Variants in CMIP observed in about 807,000 individuals in gnomAD.
CMIP encodes c-Maf inducing protein.
A neutral mutation model predicts 97.3 loss-of-function variants in CMIP; 13 were observed. The observed-to-expected ratio is 0.13, with a 90% confidence interval of 0.09 to 0.21. The LOEUF is 0.21. Among genes scored for constraint, CMIP ranks in the 10% least tolerant of loss-of-function variants. The probability of loss-of-function intolerance (pLI) is 1.00; values close to 1 mark genes in which losing one functional copy is unlikely to be tolerated. For synonymous variants in CMIP, 538 were observed against 436.3 expected (o/e 1.23, Z -2.91); for missense variants, 847 against 1,024.9 (o/e 0.83, Z 2.37).
chr16:81,553,559 C>A (rs1033814060), intron 1 of CMIP, among the ~76,000 whole-genome samples: 2 of 152,180 alleles, frequency 1.3e-5, no homozygotes, highest in African/African-American at 4.8e-5. Context: ...GCAACTGTGA[C>A]GCCCTGTGGC....
chr16:81,493,638 C>T (rs971371478), intron 1 of CMIP, among the ~76,000 whole-genome samples: 1 of 152,212 alleles, frequency 6.6e-6, no homozygotes, highest in East Asian at 1.9e-4. Context: ...TGCTCGTTCC[C>T]ACTCTCCGCA....
At chr16:81,539,353 A>G (rs1187301515) in intron 1 of CMIP, among the ~76,000 whole-genome samples, 1 of 151,698 alleles carries the variant, frequency 6.6e-6, no homozygotes, top group African/African-American at 2.4e-5. Context: ...GGGCAGCTGC[A>G]CAATGTCTGG....
Position 81,614,866 on chromosome 16 carries a change from A to ATG in CMIP, c.427-6001_427-6000dup, listed in dbSNP as rs569077090. 6.1e-5 allele frequency among the ~76,000 whole-genome samples: 9 copies of ATG among 148,212 alleles called. No homozygotes were observed. Among genetic ancestry groups the ATG allele is most frequent in the Non-Finnish European group, 1.3e-4 (9 of 67,004 alleles). On this transcript the variant is annotated intron_variant, in intron 2 of 20. Transcript: ENST00000537098. This position sits in a 1 kb window ranked among gnomAD's most constrained non-coding sequence, Gnocchi z 5.3. ...TATGCACATGTATCTCTGTGTGTGC[A>ATG]TGTGTGTGTGGTATGTGCATGTGTG...
At chr16:81,546,985 G>T (rs2090558794) in intron 1 of CMIP, among the ~76,000 whole-genome samples, 1 of 152,146 alleles carries the variant, frequency 6.6e-6, no homozygotes, top group African/African-American at 2.4e-5. Flanking sequence ...GGCTGCAAAG[G>T]CCACTCCCCC....
chr16:81,600,161 C>T (rs1329828442), intron 1 of CMIP, among the ~76,000 whole-genome samples: 1 of 151,414 alleles, frequency 6.6e-6, no homozygotes, highest in Non-Finnish European at 1.5e-5. Context: ...TGACTGTAAT[C>T]CCAGCTACTC....
intron 1 of CMIP, among the ~76,000 whole-genome samples, chr16:81,477,450 C>T (rs756118607): frequency 5.3e-5 from 8 of 152,156 alleles, no homozygotes; most frequent in Non-Finnish European, 8.8e-5. Flanking sequence ...CGTGAGCCAC[C>T]GCACCTAGCC....
intron 1 of CMIP, chr16:81,518,675 C>T (rs1163389711): frequency 1.3e-5 from 2 of 152,262 alleles, no homozygotes; most frequent in Non-Finnish European, 2.9e-5. Flanking sequence ...TAACTGTCTA[C>T]CTGCTTCCTG....
At chr16:81,505,739 C>G (rs1262702147) in intron 1 of CMIP, among the ~76,000 whole-genome samples, 1 of 152,154 alleles carries the variant, frequency 6.6e-6, no homozygotes, top group African/African-American at 2.4e-5. Flanking sequence ...GCCTGTAATC[C>G]CAGCACTTTG....
At chr16:81,594,173 A>C (rs2091512718) in intron 1 of CMIP, among the ~76,000 whole-genome samples, 1 of 140,828 alleles carries the variant, frequency 7.1e-6, no homozygotes, top group South Asian at 2.4e-4. Context: ...GCTGGAGCGC[A>C]CTGGTGCAAT....
intron 3 of CMIP, among the ~76,000 whole-genome samples, chr16:81,630,030 C>T (rs967707470): frequency 1.3e-5 from 2 of 152,238 alleles, no homozygotes; most frequent in Non-Finnish European, 2.9e-5. Flanking sequence ...ATACTTTCTG[C>T]AGCGCTTCAG....
intron 14 of CMIP, chr16:81,697,909 C>T (rs1906930623): frequency 6.6e-6 from 1 of 152,608 alleles, no homozygotes; most frequent in South Asian, 2.1e-4. Flanking sequence ...CCCTGCCAGC[C>T]TGCACCACCT....
chr16:81,455,540 C>T (rs942905098), intron 1 of CMIP, among the ~76,000 whole-genome samples: 2 of 152,224 alleles, frequency 1.3e-5, no homozygotes, highest in Non-Finnish European at 2.9e-5. Context: ...TGCGTAAGTG[C>T]GAGTTCTACC....
intron 3 of CMIP, chr16:81,645,361 T>C (rs2092352452): frequency 2.4e-5 from 34 of 1,438,262 alleles, no homozygotes; most frequent in Non-Finnish European, 2.9e-5. Flanking sequence ...CTTGGGTGTG[T>C]ACGCGCGCGA....
intron 3 of CMIP, among the ~76,000 whole-genome samples, chr16:81,641,762 C>G (rs1011998450): frequency 6.6e-6 from 1 of 152,236 alleles, no homozygotes; most frequent in African/African-American, 2.4e-5. Context: ...GGGCACCCAG[C>G]TGCACCAGCC....
chr16:81,648,784 GAAAAAAAAAAAAAA>G (rs6145916), intron 3 of CMIP, among the ~76,000 whole-genome samples: 10 of 75,740 alleles, frequency 1.3e-4, no homozygotes, highest in East Asian at 4.2e-4. Flanking sequence ...CTCTGTCTCA[GAAAAAAAAAAAAAA>G]AAAAAAAAAA....
intron 1 of CMIP, among the ~76,000 whole-genome samples, chr16:81,554,563 C>A (rs989818620): frequency 6.6e-6 from 1 of 152,218 alleles, no homozygotes; most frequent in Non-Finnish European, 1.5e-5. Flanking sequence ...CCCAGACTGG[C>A]AAATATGGGT....
chr16:81,551,022 A>ATCACACGCACCCCAGTCCCG (rs1433892692), intron 1 of CMIP, among the ~76,000 whole-genome samples: 17 of 71,738 alleles, frequency 2.4e-4, no homozygotes, highest in African/African-American at 6.5e-4. Context: ...ACCCCAGTTC[A>ATCACACGCACCCCAGTCCCG]TCACACGCAC....
chr16:81,624,640 TTAA>T (rs1410437048), intron 3 of CMIP, among the ~76,000 whole-genome samples: 1 of 152,212 alleles, frequency 6.6e-6, no homozygotes, highest in African/African-American at 2.4e-5. Context: ...TAAACAAATC[TTAA>T]TGATTACAAT....
At chr16:81,611,749 T>C (rs775705523) in intron 2 of CMIP, among the ~76,000 whole-genome samples, 6 of 152,222 alleles carry the variant, frequency 3.9e-5, no homozygotes, top group Non-Finnish European at 7.3e-5. Flanking sequence ...CTCTGTCTTC[T>C]AAGGAGCTCT....
Sources: gnomAD v4.1 joint callset for allele counts (sites outside exome capture counted in the v4.1 genomes callset) on GRCh38, gnomAD v4.1.1 for gene constraint, Gnocchi (gnomAD v3.1) non-coding constraint, MANE v1.5 for transcripts, NCBI Gene and HGNC (gene_info 2026-07-23, HGNC 2026-07-21) for gene names.